KAZN: variants seen among roughly 807,000 people sequenced by gnomAD.
KAZN encodes kazrin, periplakin interacting protein, also known as kazrin.
Under a neutral mutation model 87.4 loss-of-function variants are expected in KAZN, and 40 were observed. That is an observed-to-expected ratio of 0.46 (90% CI 0.36 to 0.60). KAZN has a LOEUF of 0.60. Among genes scored for constraint, KAZN ranks in the 20% least tolerant of loss-of-function variants. The probability of loss-of-function intolerance (pLI) is 0.00; values close to 1 mark genes in which losing one functional copy is unlikely to be tolerated. For synonymous variants in KAZN, 466 were observed against 458.3 expected (o/e 1.02, Z -0.22); for missense variants, 898 against 1,073.9 (o/e 0.84, Z 2.29).
chr1:14,738,766 G>T (rs970142011), intron 1 of KAZN, among the ~76,000 whole-genome samples: 2 of 152,038 alleles, frequency 1.3e-5, no homozygotes, highest in Admixed American at 6.5e-5. Flanking sequence ...AAAAATCCCC[G>T]TGAAGTGAGG....
chr1:14,433,757 G>A (rs1666216972), intron 2 of KAZN, among the ~76,000 whole-genome samples: 1 of 152,242 alleles, frequency 6.6e-6, no homozygotes, highest in African/African-American at 2.4e-5. Flanking sequence ...CTACTCGGGA[G>A]GCTAAGGCAG....
At chr1:14,022,499 A>G (rs1056798122) in intron 1 of KAZN, among the ~76,000 whole-genome samples, 1 of 98,114 alleles carries the variant, frequency 1.0e-5, no homozygotes, top group Non-Finnish European at 2.2e-5. Flanking sequence ...AAAAAAAAAA[A>G]AAAAAAAAAA....
chr1:14,864,328 G>A (rs1300606616), intron 1 of KAZN, among the ~76,000 whole-genome samples: 1 of 152,228 alleles, frequency 6.6e-6, no homozygotes, highest in Non-Finnish European at 1.5e-5. Context: ...ACTTTGGGAG[G>A]CCAAGGCGGG....
intron 2 of KAZN, among the ~76,000 whole-genome samples, chr1:14,210,294 G>A (rs921350704): frequency 2.0e-5 from 3 of 152,140 alleles, no homozygotes; most frequent in Non-Finnish European, 4.4e-5. Context: ...CATGTAAGAT[G>A]TGCCTTTGCT....
chr1:14,487,453 A>G (rs1669409977), intron 2 of KAZN, among the ~76,000 whole-genome samples: 1 of 152,156 alleles, frequency 6.6e-6, no homozygotes, highest in African/African-American at 2.4e-5. Flanking sequence ...CTCACACCCC[A>G]AAGTCACCAA....
upstream of KAZN, among the ~76,000 whole-genome samples, chr1:14,595,692 A>G: frequency 6.6e-6 from 1 of 151,184 alleles, no homozygotes; most frequent in East Asian, 1.9e-4. Context: ...AAAAAAAAAA[A>G]AAAAAAGAAA....
At chr1:14,564,827 A>T (rs938055828) in intron 2 of KAZN, among the ~76,000 whole-genome samples, 3 of 152,114 alleles carry the variant, frequency 2.0e-5, no homozygotes, top group Non-Finnish European at 2.9e-5. Flanking sequence ...AATATATATA[A>T]AATAAAGTAA....
intron 2 of KAZN, among the ~76,000 whole-genome samples, chr1:14,354,274 G>C (rs563051801): frequency 6.6e-6 from 1 of 151,988 alleles, no homozygotes; most frequent in Non-Finnish European, 1.5e-5. Flanking sequence ...GTTAGGCAAA[G>C]GTTCCTTAGA....
intron 1 of KAZN, among the ~76,000 whole-genome samples, chr1:14,816,317 C>T (rs1192362737): frequency 6.6e-6 from 1 of 152,192 alleles, no homozygotes. Context: ...CACAAGGCTG[C>T]AATCCTTGTG....
chr1:14,667,231 G>A (rs1303055132), intron 1 of KAZN, among the ~76,000 whole-genome samples: 1 of 152,180 alleles, frequency 6.6e-6, no homozygotes, highest in African/African-American at 2.4e-5. Flanking sequence ...GGAAAGTGAA[G>A]CATACGGAGC....
At chr1:14,417,447 G>C (rs1359577958) in intron 2 of KAZN, among the ~76,000 whole-genome samples, 2 of 152,156 alleles carry the variant, frequency 1.3e-5, no homozygotes, top group Non-Finnish European at 2.9e-5. Flanking sequence ...GAACTAAGAA[G>C]CCTATAAGGA....
At chr1:14,974,526 T>C (rs1665407082) in intron 2 of KAZN, among the ~76,000 whole-genome samples, 1 of 152,190 alleles carries the variant, frequency 6.6e-6, no homozygotes, top group Admixed American at 6.5e-5. Context: ...ACATACGTGG[T>C]TTTAGCAGCT....
intron 1 of KAZN, among the ~76,000 whole-genome samples, chr1:13,915,013 T>G (rs1425445331): frequency 6.6e-6 from 1 of 152,214 alleles, no homozygotes; most frequent in African/African-American, 2.4e-5. Context: ...AGACAATAGA[T>G]AGTGTTTCCT....
At chr1:14,386,746 A>AT (rs1353332509) in intron 2 of KAZN, among the ~76,000 whole-genome samples, 2 of 151,670 alleles carry the variant, frequency 1.3e-5, no homozygotes, top group East Asian at 3.9e-4. Flanking sequence ...TGCCCTTAAC[A>AT]TTTTTTCCTT....
intron 1 of KAZN, among the ~76,000 whole-genome samples, chr1:14,733,046 G>C (rs1236390748): frequency 6.6e-6 from 1 of 152,122 alleles, no homozygotes; most frequent in African/African-American, 2.4e-5. Flanking sequence ...GCTCCAAACA[G>C]CTCCCTGGGT....
chr1:14,659,463 C>T (rs1443477806), intron 1 of KAZN, among the ~76,000 whole-genome samples: 1 of 152,110 alleles, frequency 6.6e-6, no homozygotes, highest in Non-Finnish European at 1.5e-5. Context: ...TCATCACTTA[C>T]CTAGCCTCTC....
At chr1:13,928,645 C>T (rs1640375996) in intron 1 of KAZN, among the ~76,000 whole-genome samples, 1 of 152,064 alleles carries the variant, frequency 6.6e-6, no homozygotes, top group South Asian at 2.1e-4. Flanking sequence ...TGATTTTTGT[C>T]CTGAATAAAA....
chr1:14,230,627 G>A (rs1647728670), intron 2 of KAZN, among the ~76,000 whole-genome samples: 1 of 152,116 alleles, frequency 6.6e-6, no homozygotes, highest in Non-Finnish European at 1.5e-5. Flanking sequence ...TTAATAATGG[G>A]ATAGAACAAG....
intron 1 of KAZN, among the ~76,000 whole-genome samples, chr1:14,638,581 A>AAAAAAAAAAAAACAAAAAAAAAAAAAAC (rs1553201086): frequency 7.6e-5 from 3 of 39,642 alleles, no homozygotes; most frequent in Admixed American, 3.2e-4. Context: ...AAAAAAAACA[A>AAAAAAAAAAAAACAAAAAAAAAAAAAAC]AAAAAAAAAA....
Sources: allele counts gnomAD v4.1 joint callset (sites outside exome capture counted in the v4.1 genomes callset), GRCh38; gene constraint gnomAD v4.1.1; transcripts MANE v1.5; gene names NCBI Gene and HGNC (gene_info 2026-07-23, HGNC 2026-07-21).